Variants in OPCML observed in about 807,000 individuals in gnomAD.
OPCML encodes opioid binding protein/cell adhesion molecule like.
A neutral mutation model predicts 37.8 loss-of-function variants in OPCML; 13 were observed. That is an observed-to-expected ratio of 0.34 (90% CI 0.22 to 0.55). The LOEUF (loss-of-function observed/expected upper bound fraction) is 0.55. Among genes scored for constraint, OPCML ranks in the 20% least tolerant of loss-of-function variants. OPCML has a pLI of 0.91. For synonymous variants in OPCML, 176 were observed against 168.8 expected, an observed-to-expected ratio of 1.04 and a Z score of -0.33; for missense variants, 341 against 435.6, an observed-to-expected ratio of 0.78 and a Z score of 1.93.
intron 1 of OPCML, among the ~76,000 whole-genome samples, chr11:133,138,413 G>A (rs1262859525): frequency 6.6e-6 from 1 of 152,128 alleles, no homozygotes; most frequent in African/African-American, 2.4e-5. Context: ...AACCATATGG[G>A]GAAAGGAGCA....
chr11:132,551,106 G>T (rs1239187960), intron 3 of OPCML, among the ~76,000 whole-genome samples: 2 of 152,160 alleles, frequency 1.3e-5, no homozygotes, highest in East Asian at 3.9e-4. Flanking sequence ...ATAGAGTTCT[G>T]TGAGTTACTC....
intron 3 of OPCML, among the ~76,000 whole-genome samples, chr11:132,541,345 T>A (rs1239147858): frequency 6.6e-6 from 1 of 152,318 alleles, no homozygotes; most frequent in South Asian, 2.1e-4. Context: ...TTGAGCAAGT[T>A]GTGTGACTTC....
intron 2 of OPCML, among the ~76,000 whole-genome samples, chr11:132,684,735 T>C (rs919737866): frequency 2.0e-5 from 3 of 152,230 alleles, no homozygotes; most frequent in African/African-American, 7.2e-5. Context: ...ATCTTTGTTC[T>C]TGTGGAGCTT....
chr11:133,122,443 T>C (rs948033407), intron 1 of OPCML, among the ~76,000 whole-genome samples: 1 of 152,106 alleles, frequency 6.6e-6, no homozygotes, highest in African/African-American at 2.4e-5. Context: ...AGATCTCTAG[T>C]TCCAAAACGT....
chr11:132,853,071 CT>C (rs2136334415), intron 2 of OPCML, among the ~76,000 whole-genome samples: 1 of 152,248 alleles, frequency 6.6e-6, no homozygotes, highest in African/African-American at 2.4e-5. Context: ...TGAAACACTG[CT>C]TTTCCTTGAA....
chr11:133,298,693 T>C (rs1942698390), intron 1 of OPCML: 1 of 152,172 alleles, frequency 6.6e-6, no homozygotes, highest in Admixed American at 6.5e-5. Context: ...AAATGGTTGA[T>C]TCCTGGCCTG....
At chr11:133,393,657 TGTC>T (rs992135367) in intron 1 of OPCML, among the ~76,000 whole-genome samples, 5 of 152,236 alleles carry the variant, frequency 3.3e-5, no homozygotes, top group African/African-American at 1.2e-4. Context: ...CTGTGATGGC[TGTC>T]TCCAGTATCC....
chr11:132,879,586 AT>A (rs1244504638), intron 2 of OPCML, among the ~76,000 whole-genome samples: 1 of 152,212 alleles, frequency 6.6e-6, no homozygotes, highest in East Asian at 1.9e-4. Flanking sequence ...TCAGAGTGAC[AT>A]TTTTGTGATA....
In OPCML at chr11:132,617,915, T is replaced by C. The variant is rs191282543; in HGVS notation, c.379+39172A>G. ...CCCAAAATAATCAAAGTGGGGATTATGGCTTCAATGTATGAATTTTGGGTG... is the reference window on the plus strand; with the variant it reads ...CCCAAAATAATCAAAGTGGGGATTACGGCTTCAATGTATGAATTTTGGGTG... On this transcript the variant is annotated intron_variant, in intron 3 of 7. Transcript: ENST00000524381. 3.5e-3 allele frequency among the ~76,000 whole-genome samples: 536 copies of C among 152,356 alleles called. 3 individuals are homozygous for C. The highest frequency in any genetic ancestry group is 0.012 in the African/African-American group (505 of 41,588).
intron 3 of OPCML, among the ~76,000 whole-genome samples, chr11:132,582,450 A>G (rs1043393028): frequency 6.6e-6 from 1 of 152,174 alleles, no homozygotes; most frequent in East Asian, 1.9e-4. Context: ...TGATGCAAAC[A>G]ACAGCAACAA....
chr11:132,645,315 G>A (rs924785984), intron 3 of OPCML, among the ~76,000 whole-genome samples: 3 of 152,144 alleles, frequency 2.0e-5, no homozygotes, highest in Non-Finnish European at 2.9e-5. Context: ...TTCATGATGT[G>A]GCTACCAATA....
At chr11:132,596,591 G>T (rs1054100421) in intron 3 of OPCML, among the ~76,000 whole-genome samples, 2 of 152,128 alleles carry the variant, frequency 1.3e-5, no homozygotes, top group African/African-American at 2.4e-5. Flanking sequence ...GGGTTGTGTT[G>T]TGTTTGTGTG....
At chr11:133,324,174 A>G (rs2136628847) in intron 1 of OPCML, among the ~76,000 whole-genome samples, 1 of 152,302 alleles carries the variant, frequency 6.6e-6, no homozygotes, top group South Asian at 2.1e-4. Context: ...ATTCCTGATA[A>G]GGATTTTCTT....
intron 1 of OPCML, among the ~76,000 whole-genome samples, chr11:133,432,674 C>T (rs898093792): frequency 6.6e-6 from 1 of 152,208 alleles, no homozygotes; most frequent in African/African-American, 2.4e-5. Flanking sequence ...GTTAGACCTA[C>T]ATGGGAGTCT....
intron 1 of OPCML, among the ~76,000 whole-genome samples, chr11:133,084,928 T>C (rs1948796596): frequency 6.6e-6 from 1 of 152,194 alleles, no homozygotes; most frequent in Non-Finnish European, 1.5e-5. Flanking sequence ...ATATTGTTCA[T>C]CTGTTCAAAG....
At chr11:132,491,094 C>T (rs1464603873) in intron 4 of OPCML, among the ~76,000 whole-genome samples, 3 of 152,218 alleles carry the variant, frequency 2.0e-5, no homozygotes, top group African/African-American at 7.2e-5. Flanking sequence ...TTTCTCACCA[C>T]GTGTATGCTC....
chr11:132,788,265 A>G (rs1044394985), intron 2 of OPCML, among the ~76,000 whole-genome samples: 1 of 152,132 alleles, frequency 6.6e-6, no homozygotes, highest in Non-Finnish European at 1.5e-5. Context: ...CTCTTTCTCC[A>G]GGAAAGGGTA....
intron 4 of OPCML, among the ~76,000 whole-genome samples, chr11:132,459,277 C>A (rs2096092596): frequency 6.6e-6 from 1 of 151,956 alleles, no homozygotes; most frequent in African/African-American, 2.4e-5. Flanking sequence ...GGTACTCAGG[C>A]CTTTGGACTC....
chr11:133,077,459 CTG>C (rs567430682), intron 1 of OPCML, among the ~76,000 whole-genome samples: 42 of 152,234 alleles, frequency 2.8e-4, no homozygotes, highest in African/African-American at 9.6e-4. Flanking sequence ...AATTTTAAGA[CTG>C]TAATGTGAAA....
Sources: gnomAD v4.1 joint callset for allele counts (sites outside exome capture counted in the v4.1 genomes callset) on GRCh38, gnomAD v4.1.1 for gene constraint, MANE v1.5 for transcripts, NCBI Gene and HGNC (gene_info 2026-07-23, HGNC 2026-07-21) for gene names.